DMD: variants seen among roughly 807,000 people sequenced by gnomAD.
DMD encodes dystrophin.
A neutral mutation model predicts 330.1 loss-of-function variants in DMD; 63 were observed. The observed-to-expected ratio is 0.19, with a 90% confidence interval of 0.16 to 0.24. The LOEUF (loss-of-function observed/expected upper bound fraction) is 0.24, where lower values mean the gene tolerates loss of function less well. Ranked by LOEUF, DMD falls within the 10% of genes least tolerant of loss-of-function variation. The probability of loss-of-function intolerance (pLI) is 1.00; values close to 1 mark genes in which losing one functional copy is unlikely to be tolerated. For synonymous variants in DMD, 1,223 were observed against 959.8 expected (o/e 1.27, Z -5.07); for missense variants, 3,344 against 2,684.1 (o/e 1.25, Z -5.43).
chrX:32,703,853 C>A (rs1180681242), intron 7 of DMD, among the ~76,000 whole-genome samples: 1 of 111,639 alleles, frequency 9.0e-6, no homozygotes, highest in African/African-American at 3.3e-5. Context: ...TATTACACGA[C>A]ATTAAGATTT....
intron 1 of DMD, among the ~76,000 whole-genome samples, chrX:33,139,556 T>C (rs1157204421): frequency 9.1e-6 from 1 of 110,343 alleles, no homozygotes; most frequent in Non-Finnish European, 1.9e-5. Flanking sequence ...ACGAGTGGTT[T>C]ATCATCATCC....
chrX:31,500,826 T>C (rs1448268781), intron 56 of DMD, among the ~76,000 whole-genome samples: 1 of 112,348 alleles, frequency 8.9e-6, no homozygotes, highest in Admixed American at 9.4e-5. Flanking sequence ...TGAGCTGTCC[T>C]ATTTAGATAT....
chrX:32,828,944 G>C (rs1185509768), intron 4 of DMD, among the ~76,000 whole-genome samples: 1 of 111,133 alleles, frequency 9.0e-6, no homozygotes, highest in East Asian at 2.8e-4. Context: ...AATATGTTTT[G>C]CTCATTAATT....
At chrX:32,927,065 T>A (rs756664063) in intron 2 of DMD, among the ~76,000 whole-genome samples, 1 of 111,492 alleles carries the variant, frequency 9.0e-6, no homozygotes, top group East Asian at 2.8e-4. Flanking sequence ...ACTAAATAAA[T>A]AAATTTATTG....
intron 44 of DMD, among the ~76,000 whole-genome samples, chrX:31,999,827 C>G (rs1691332004): frequency 1.8e-5 from 2 of 111,263 alleles, no homozygotes; most frequent in South Asian, 7.5e-4. Context: ...CTAAAATTAC[C>G]ATGATAGCTT....
chrX:33,312,471 T>G, intron 1 of DMD, among the ~76,000 whole-genome samples: 1 of 111,825 alleles, frequency 8.9e-6, no homozygotes, highest in Non-Finnish European at 1.9e-5. Context: ...CAAATACAGC[T>G]AAATAATACA....
intron 42 of DMD, among the ~76,000 whole-genome samples, chrX:32,306,048 T>G (rs1451905063): frequency 6.3e-5 from 5 of 79,351 alleles, no homozygotes; most frequent in African/African-American, 1.5e-4. Flanking sequence ...AGATTCTGGT[T>G]TTTTTTTTTT....
At chrX:32,112,948 T>G (rs2096595273) in intron 44 of DMD, among the ~76,000 whole-genome samples, 1 of 112,453 alleles carries the variant, frequency 8.9e-6, no homozygotes, top group Non-Finnish European at 1.9e-5. Context: ...CAGGCTATTA[T>G]AGCAGGAGAA....
intron 63 of DMD, among the ~76,000 whole-genome samples, chrX:31,256,868 A>T (rs1222687895): frequency 1.8e-5 from 2 of 110,306 alleles, no homozygotes; most frequent in Non-Finnish European, 3.8e-5. Context: ...TCGACGAAGA[A>T]ACTTTTTTAC....
rs60773717 is a variant in DMD, at chrX:32,178,830, G to GGT, written c.6438+38084_6438+38085dup. On this transcript the variant is annotated intron_variant, in intron 44 of 78. Coordinates refer to ENST00000357033, the MANE Select transcript of DMD (RefSeq NM_004006.3). The stretch of plus-strand genomic sequence containing the variant: ...TTTAAGGCTGAAAAATATTCCAGGG[G>GGT]GTGTGTGTGTGTGTGTGTGTGTGTG... Among the ~76,000 whole-genome samples, 379 of 99,107 alleles carry GGT rather than the reference G, an allele frequency of 3.8e-3. 2 individuals carry two copies. The highest frequency in any genetic ancestry group is 0.037 in the East Asian group (113 of 3,082). The allele number at this position is 99,107 out of a possible 115,157, so 86.1% of individuals were successfully genotyped here.
At chrX:31,617,305 C>T (rs755514134) in intron 55 of DMD, among the ~76,000 whole-genome samples, 6 of 110,959 alleles carry the variant, frequency 5.4e-5, no homozygotes, top group East Asian at 2.8e-4. Context: ...GAGGCCGGGG[C>T]GGGCGCATCA....
At chrX:32,978,614 C>T (rs370853142) in intron 2 of DMD, among the ~76,000 whole-genome samples, 13 of 111,630 alleles carry the variant, frequency 1.2e-4, no homozygotes, top group African/African-American at 4.2e-4. Context: ...GGATTACAGG[C>T]GTGCGCCATT....
At chrX:32,653,026 T>G (rs1480548607) in intron 9 of DMD, among the ~76,000 whole-genome samples, 2 of 111,822 alleles carry the variant, frequency 1.8e-5, no homozygotes, top group Non-Finnish European at 3.8e-5. Context: ...TCTTGTAAAT[T>G]TGTTTGACTT....
chrX:33,064,895 AAAT>A (rs2094631602), intron 1 of DMD, among the ~76,000 whole-genome samples: 1 of 111,175 alleles, frequency 9.0e-6, no homozygotes, highest in Non-Finnish European at 1.9e-5. Context: ...TCTCAGAAAA[AAAT>A]AATAATAAAA....
Position 32,715,445 on chromosome X carries a change from T to C in DMD, c.650-16152A>G, listed in dbSNP as rs185200209. Among the ~76,000 whole-genome samples the C allele has an allele frequency of 1.6e-3, 116 of 74,735 alleles. 1 individual carries two copies. The highest frequency in any genetic ancestry group is 6.3e-3 in the African/African-American group (110 of 17,390). The allele number at this position is 74,735 out of a possible 115,157, so 64.9% of individuals were successfully genotyped here. A position where few individuals can be genotyped will look rare whatever the true frequency, so the allele number is the denominator to read the frequency against. Reference sequence around the variant, plus strand: ...TGAGCCGAGATTGTGCCACTGCACATCAGCCTGGTGACAGAGATTCCATCA... The same window carrying C: ...TGAGCCGAGATTGTGCCACTGCACACCAGCCTGGTGACAGAGATTCCATCA... On this transcript the variant is annotated intron_variant, in intron 7 of 78. Coordinates refer to ENST00000357033, the MANE Select transcript of DMD (RefSeq NM_004006.3).
At chrX:32,825,757 A>C (rs1474947844) in intron 4 of DMD, among the ~76,000 whole-genome samples, 4 of 111,930 alleles carry the variant, frequency 3.6e-5, no homozygotes. Flanking sequence ...TAAGTGAAAT[A>C]AGCAAGACAT....
chrX:33,259,149 G>T (rs1038311762), intron 1 of DMD, among the ~76,000 whole-genome samples: 7 of 110,803 alleles, frequency 6.3e-5, no homozygotes, highest in Admixed American at 5.8e-4. Context: ...CCTAGTAAAT[G>T]TTTTTTTAAA....
chrX:31,379,667 C>T (rs2060059155), intron 60 of DMD, among the ~76,000 whole-genome samples: 1 of 111,980 alleles, frequency 8.9e-6, no homozygotes, highest in Non-Finnish European at 1.9e-5. Flanking sequence ...AATTCCTTCC[C>T]TCCACTGTGA....
chrX:32,169,645 G>GT (rs1460423605), intron 44 of DMD, among the ~76,000 whole-genome samples: 2 of 111,570 alleles, frequency 1.8e-5, no homozygotes, highest in African/African-American at 6.5e-5. Context: ...AGAAGTAAAA[G>GT]TTTTAACAAT....
Sources: gnomAD v4.1 joint callset for allele counts (sites outside exome capture counted in the v4.1 genomes callset) on GRCh38, gnomAD v4.1.1 for gene constraint, MANE v1.5 for transcripts, NCBI Gene and HGNC (gene_info 2026-07-23, HGNC 2026-07-21) for gene names.